GMDS: variants seen among roughly 807,000 people sequenced by gnomAD.
The protein encoded by GMDS is GDP-mannose 4,6 dehydratase.
Under a neutral mutation model 49.9 loss-of-function variants are expected in GMDS, and 20 were observed. The ratio of observed to expected loss-of-function variants is 0.40; its 90% CI spans 0.28 to 0.58. The LOEUF is 0.58. Ranked by LOEUF, GMDS falls within the 20% of genes least tolerant of loss-of-function variation. GMDS has a pLI of 0.42. For missense variants in GMDS, 362 were observed against 481.4 expected, an observed-to-expected ratio of 0.75 and a Z score of 2.32; for synonymous variants, 177 against 178.6, an observed-to-expected ratio of 0.99 and a Z score of 0.07.
chr6:1,912,800 A>G (rs923456565), intron 7 of GMDS, among the ~76,000 whole-genome samples: 7 of 152,232 alleles, frequency 4.6e-5, no homozygotes, highest in East Asian at 3.8e-4. Flanking sequence ...GAAAATTTTC[A>G]AAATCTGTAG....
chr6:2,052,745 A>T (rs1366026716), intron 4 of GMDS, among the ~76,000 whole-genome samples: 2 of 152,242 alleles, frequency 1.3e-5, no homozygotes, highest in Non-Finnish European at 2.9e-5. Context: ...AACTTTTAAA[A>T]GAGGTTTTCT....
intron 7 of GMDS, among the ~76,000 whole-genome samples, chr6:1,913,500 A>T (rs1339222510): frequency 6.6e-6 from 1 of 152,182 alleles, no homozygotes; most frequent in Non-Finnish European, 1.5e-5. Flanking sequence ...TATCTAAAAG[A>T]CATTTTTAGA....
At chr6:2,013,768 A>C (rs888231333) in intron 4 of GMDS, among the ~76,000 whole-genome samples, 4 of 151,904 alleles carry the variant, frequency 2.6e-5, no homozygotes, top group African/African-American at 9.7e-5. Flanking sequence ...AATGTCCAAG[A>C]ACTGTGATAC....
chr6:1,674,923 T>C (rs530201341), intron 9 of GMDS, among the ~76,000 whole-genome samples: 7 of 151,968 alleles, frequency 4.6e-5, no homozygotes, highest in African/African-American at 1.7e-4. Flanking sequence ...GTAAATTACA[T>C]TGTTTTAAAT....
intron 7 of GMDS, among the ~76,000 whole-genome samples, chr6:1,801,888 T>C (rs1769965595): frequency 1.3e-5 from 2 of 152,236 alleles, no homozygotes; most frequent in South Asian, 4.1e-4. Flanking sequence ...AATTTTGTGG[T>C]TTATTTATTT....
chr6:1,674,832 G>C (rs780582697), intron 9 of GMDS, among the ~76,000 whole-genome samples: 1 of 151,332 alleles, frequency 6.6e-6, no homozygotes, highest in Non-Finnish European at 1.5e-5. Context: ...TTGCAGGTGT[G>C]AGCCAACATG....
chr6:1,749,999 T>A (rs958788035), intron 7 of GMDS, among the ~76,000 whole-genome samples: 3 of 152,228 alleles, frequency 2.0e-5, no homozygotes, highest in Admixed American at 6.5e-5. Flanking sequence ...ACTTGGCTAA[T>A]GCTTTTAATT....
At chr6:1,754,259 C>T (rs1215280444) in intron 7 of GMDS, among the ~76,000 whole-genome samples, 2 of 152,202 alleles carry the variant, frequency 1.3e-5, no homozygotes, top group Admixed American at 1.3e-4. Context: ...ATAAACACCT[C>T]TATGCAAATA....
intron 6 of GMDS, among the ~76,000 whole-genome samples, chr6:1,946,994 C>A (rs572614931): frequency 6.6e-6 from 1 of 152,290 alleles, no homozygotes; most frequent in East Asian, 1.9e-4. Context: ...GCGAGTTCTG[C>A]ACATTTTTTG....
At chr6:1,720,263 C>T (rs956761483) in intron 9 of GMDS, among the ~76,000 whole-genome samples, 3 of 152,024 alleles carry the variant, frequency 2.0e-5, no homozygotes, top group African/African-American at 7.2e-5. Flanking sequence ...ACCCAGGCTT[C>T]AGGAGGAATG....
At chr6:2,214,585 C>T (rs919154274) in intron 1 of GMDS, among the ~76,000 whole-genome samples, 1 of 152,178 alleles carries the variant, frequency 6.6e-6, no homozygotes, top group Non-Finnish European at 1.5e-5. Context: ...GGGACTTGAG[C>T]ATCTGTGGAT....
At chr6:1,754,160 A>G (rs1434068997) in intron 7 of GMDS, among the ~76,000 whole-genome samples, 1 of 152,186 alleles carries the variant, frequency 6.6e-6, no homozygotes, top group Non-Finnish European at 1.5e-5. Context: ...AGAAGAAAAG[A>G]GAGAAGAATC....
At chr6:2,056,030 T>G (rs1450909869) in intron 4 of GMDS, among the ~76,000 whole-genome samples, 1 of 152,146 alleles carries the variant, frequency 6.6e-6, no homozygotes, top group Non-Finnish European at 1.5e-5. Context: ...ATGTAAGACA[T>G]CATCAATGTA....
chr6:1,946,287 T>C (rs1048346679), intron 6 of GMDS, among the ~76,000 whole-genome samples: 2 of 152,188 alleles, frequency 1.3e-5, no homozygotes, highest in African/African-American at 4.8e-5. Context: ...CACAAGGTAA[T>C]GGACAGTCAC....
intron 4 of GMDS, among the ~76,000 whole-genome samples, chr6:2,060,011 T>A (rs1405271083): frequency 1.3e-5 from 2 of 151,906 alleles, no homozygotes. Flanking sequence ...TTTTCAAAAT[T>A]AAAAAAAATA....
intron 7 of GMDS, among the ~76,000 whole-genome samples, chr6:1,868,176 G>A (rs1477693572): frequency 6.6e-6 from 1 of 151,978 alleles, no homozygotes; most frequent in Non-Finnish European, 1.5e-5. Context: ...TAGTAGAGAT[G>A]GGGTTTTACC....
chr6:1,881,002 T>A (rs1759335891), intron 7 of GMDS, among the ~76,000 whole-genome samples: 1 of 152,068 alleles, frequency 6.6e-6, no homozygotes, highest in Admixed American at 6.6e-5. Context: ...AAGAAGAAAA[T>A]CCTAGTATCT....
chr6:2,203,202 G>A (rs1779631513), intron 1 of GMDS, among the ~76,000 whole-genome samples: 2 of 152,080 alleles, frequency 1.3e-5, no homozygotes, highest in South Asian at 2.1e-4. Context: ...GGGGGGTTGG[G>A]GGGTAGTTAA....
intron 7 of GMDS, among the ~76,000 whole-genome samples, chr6:1,904,945 G>A (rs1760681479): frequency 6.6e-6 from 1 of 152,174 alleles, no homozygotes; most frequent in Non-Finnish European, 1.5e-5. Context: ...GATAATGGTA[G>A]GAAAAATGTG....
Sources: allele counts gnomAD v4.1 joint callset (sites outside exome capture counted in the v4.1 genomes callset), GRCh38; gene constraint gnomAD v4.1.1; transcripts MANE v1.5; gene names NCBI Gene and HGNC (gene_info 2026-07-23, HGNC 2026-07-21).